Variants in UBASH3B observed in about 807,000 individuals in gnomAD.
The protein encoded by UBASH3B is ubiquitin-associated and SH3 domain-containing protein B.
A neutral mutation model predicts 83.4 loss-of-function variants in UBASH3B; 37 were observed. That is an observed-to-expected ratio of 0.44 (90% CI 0.34 to 0.58). The LOEUF (loss-of-function observed/expected upper bound fraction) is 0.58. UBASH3B is among the 20% of genes least tolerant of loss of function. The pLI, the probability that UBASH3B is intolerant of heterozygous loss-of-function variation, is 0.01. For synonymous variants in UBASH3B, 304 were observed against 318.3 expected (o/e 0.96, Z 0.48); for missense variants, 657 against 827.2 (o/e 0.79, Z 2.52).
At chr11:122,743,212 A>ATC (rs145777140) in intron 1 of UBASH3B, among the ~76,000 whole-genome samples, 2,186 of 149,958 alleles carry the variant, frequency 0.015, 45 homozygotes, top group African/African-American at 0.048. Flanking sequence ...AAGTGACTTA[A>ATC]TCTCTCTCTC....
At chr11:122,755,939 TA>T (rs1861275634) in intron 1 of UBASH3B, among the ~76,000 whole-genome samples, 1 of 152,202 alleles carries the variant, frequency 6.6e-6, no homozygotes, top group African/African-American at 2.4e-5. Context: ...CTTTTGTACC[TA>T]AACATTGCAG....
chr11:122,673,254 C>A (rs1244345433), intron 1 of UBASH3B, among the ~76,000 whole-genome samples: 3 of 152,198 alleles, frequency 2.0e-5, no homozygotes, highest in Non-Finnish European at 4.4e-5. Context: ...GCTGGGGATG[C>A]AGGCCCTTGA....
At chr11:122,672,787 G>T (rs1863615773) in intron 1 of UBASH3B, among the ~76,000 whole-genome samples, 1 of 152,120 alleles carries the variant, frequency 6.6e-6, no homozygotes, top group Admixed American at 6.6e-5. Flanking sequence ...AGAGCTTCCT[G>T]GTTAGCCTCC....
At chr11:122,709,687 T>C (rs1374991121) in intron 1 of UBASH3B, among the ~76,000 whole-genome samples, 7 of 152,174 alleles carry the variant, frequency 4.6e-5, no homozygotes, top group Non-Finnish European at 8.8e-5. Context: ...CCTGACATCC[T>C]GGGTGGAATT....
intron 1 of UBASH3B, among the ~76,000 whole-genome samples, chr11:122,658,104 A>T (rs1267244085): frequency 1.4e-5 from 2 of 147,818 alleles, no homozygotes; most frequent in Non-Finnish European, 3.0e-5. Context: ...TGAGCCCAGT[A>T]GGTGGAGGTT....
intron 1 of UBASH3B, among the ~76,000 whole-genome samples, chr11:122,720,983 C>T (rs1348081023): frequency 2.0e-5 from 3 of 151,828 alleles, no homozygotes; most frequent in South Asian, 4.2e-4. Flanking sequence ...CGGTGGCTCA[C>T]GCCTGTAATC....
chr11:122,719,565 G>T (rs1860586729), intron 1 of UBASH3B, among the ~76,000 whole-genome samples: 1 of 152,144 alleles, frequency 6.6e-6, no homozygotes, highest in Non-Finnish European at 1.5e-5. Context: ...CCATCACATA[G>T]GTCAAGGAGC....
intron 1 of UBASH3B, among the ~76,000 whole-genome samples, chr11:122,713,952 GAGTTTAGGTGGCTCAC>G (rs1226393938): frequency 6.6e-6 from 1 of 150,574 alleles, no homozygotes; most frequent in Non-Finnish European, 1.5e-5. Flanking sequence ...AGCAGGAAAC[GAGTTTAGGTGGCTCAC>G]AGAACTATCA....
intron 1 of UBASH3B, among the ~76,000 whole-genome samples, chr11:122,737,702 C>T (rs1220767889): frequency 6.6e-6 from 1 of 151,786 alleles, no homozygotes; most frequent in Admixed American, 6.6e-5. Flanking sequence ...GCAAAATTGG[C>T]GGGGAAAAAG....
rs1274022853 is a variant in UBASH3B, at chr11:122,799,043, T to TG, written c.1450+10dup. ...ACACAATATCTTGAAAGGTAAGACT[T>TG]GCAGGTTGACAAAAACAAGTAGTCC... On this transcript the variant is annotated intron_variant, in intron 10 of 13. Coordinates refer to ENST00000284273, the MANE Select transcript of UBASH3B (RefSeq NM_032873.5). 6.2e-7 allele frequency: 1 copy of TG among 1,612,812 alleles called. No individual in the cohort carries two copies. Among genetic ancestry groups the TG allele is most frequent in the Admixed American group, 1.7e-5 (1 of 59,966 alleles).
At chr11:122,777,324 C>A in intron 3 of UBASH3B, 114 bp downstream of exon 3, 2 of 1,165,318 alleles carry the variant, frequency 1.7e-6, no homozygotes, top group Non-Finnish European at 2.4e-6. Context: ...TAGTCACAGG[C>A]TCCTACAGCT....
At chr11:122,714,481 G>A (rs1864241516) in intron 1 of UBASH3B, among the ~76,000 whole-genome samples, 1 of 152,180 alleles carries the variant, frequency 6.6e-6, no homozygotes, top group Non-Finnish European at 1.5e-5. Flanking sequence ...TTTAAAACCT[G>A]AAGCAAGTGA....
At chr11:122,703,174 T>C (rs1260923141) in intron 1 of UBASH3B, among the ~76,000 whole-genome samples, 1 of 152,036 alleles carries the variant, frequency 6.6e-6, no homozygotes, top group Non-Finnish European at 1.5e-5. Flanking sequence ...TGCCTGTAAA[T>C]CCCAGCACTT....
At chr11:122,809,674 T>G in intron 13 of UBASH3B, 75 bp from the exon 14 acceptor site, 2 of 1,510,004 alleles carry the variant, frequency 1.3e-6, no homozygotes, top group South Asian at 1.2e-5. Context: ...CACATGAATA[T>G]CTTTGTATTT....
chr11:122,774,562 C>T (rs575295942), intron 1 of UBASH3B, among the ~76,000 whole-genome samples: 1 of 152,158 alleles, frequency 6.6e-6, no homozygotes, highest in Non-Finnish European at 1.5e-5. Context: ...CTCACAGCAT[C>T]GGTCATTCTA....
At chr11:122,680,418 G>A (rs1433592375) in intron 1 of UBASH3B, among the ~76,000 whole-genome samples, 1 of 152,234 alleles carries the variant, frequency 6.6e-6, no homozygotes, top group African/African-American at 2.4e-5. Flanking sequence ...CTTGTTACTG[G>A]TTAGGACTTC....
chr11:122,669,759 A>G (rs946961638), intron 1 of UBASH3B, among the ~76,000 whole-genome samples: 1 of 152,244 alleles, frequency 6.6e-6, no homozygotes, highest in Non-Finnish European at 1.5e-5. Flanking sequence ...TAACAACCCT[A>G]TGAGATAGGA....
chr11:122,683,357 G>C (rs1258654628), intron 1 of UBASH3B, among the ~76,000 whole-genome samples: 1 of 151,918 alleles, frequency 6.6e-6, no homozygotes, highest in Non-Finnish European at 1.5e-5. Flanking sequence ...GCTCATACCT[G>C]TAATCCCAGC....
intron 1 of UBASH3B, among the ~76,000 whole-genome samples, chr11:122,775,094 A>ATAAG (rs1860711170): frequency 6.6e-6 from 1 of 152,260 alleles, no homozygotes. Context: ...CAGGGATCAC[A>ATAAG]TAAGTCTTGT....
Sources: allele counts gnomAD v4.1 joint callset (sites outside exome capture counted in the v4.1 genomes callset), GRCh38; gene constraint gnomAD v4.1.1; transcripts MANE v1.5; gene names NCBI Gene and HGNC (gene_info 2026-07-23, HGNC 2026-07-21).